The following RET variants were observed in gnomAD, a reference collection of about 807,000 sequenced individuals.
RET encodes proto-oncogene tyrosine-protein kinase receptor Ret.
A neutral mutation model predicts 118.3 loss-of-function variants in RET; 19 were observed. The observed-to-expected ratio is 0.16, with a 90% CI of 0.11 to 0.24. The LOEUF (loss-of-function observed/expected upper bound fraction) is 0.24. Among genes scored for constraint, RET ranks in the 10% least tolerant of loss-of-function variants. The pLI is 1.00. For missense variants in RET, 1,219 were observed against 1,502.1 expected (o/e 0.81, Z 3.12); for synonymous variants, 597 against 644.1 (o/e 0.93, Z 1.11).
rs748852160 is a variant in RET at position 43,112,882 on chromosome 10, C to G, written c.1678C>G (p.Pro560Ala). The part of the protein sequence containing the change: ...GITRNFSTCS[P>A]STKTCPDGHC... ...CACCAGGAACTTCTCCACCTGCTCT[C>G]CCAGCACCAAGACCTGCCCCGACGG... The change falls in exon 9 of 20, where the codon CCC (proline) becomes GCC (alanine). Residue 560 changes from proline (P) to alanine (A), a missense_variant. By Grantham distance (27) the Pro-to-Ala change is conservative (BLOSUM62 -1). Around this residue, in one of 5 missense-constraint regions of RET, gnomAD observed 850 missense variants for 969.6 expected, o/e 0.88. Coordinates refer to ENST00000355710, the MANE Select transcript of RET (RefSeq NM_020975.6). 2 of 1,614,126 alleles carry G rather than the reference C, an allele frequency of 1.2e-6. No homozygotes were observed. The highest frequency in any genetic ancestry group is 1.7e-6 in the Non-Finnish European group (2 of 1,179,996).
At chr10:43,102,258 G>A in intron 2 of RET, 84 bp from the exon 3 acceptor site, 1 of 1,548,610 alleles carries the variant, frequency 6.5e-7, no homozygotes, top group Non-Finnish European at 8.8e-7. Context: ...GTTTACACCA[G>A]CCCTGGAGCT....
At position 43,112,114 on chromosome 10, in the gene RET, C is replaced by T. The variant is rs149238501; in HGVS notation, c.1538C>T (p.Ala513Val). ...CCACCTGCAGATGTGGCCGAGGAGGCGGGCTGCCCCCTGTCCTGTGCAGTC... is the reference window on the plus strand; with the variant it reads ...CCACCTGCAGATGTGGCCGAGGAGGTGGGCTGCCCCCTGTCCTGTGCAGTC... ...TVEGSYVAEEAGCPLSCAVSK... is the reference protein window; with the variant it reads ...TVEGSYVAEEVGCPLSCAVSK... Residue 513 changes from alanine to valine, a missense_variant, in exon 8 of 20, where the codon GCG becomes GTG. Physicochemically the swap from Ala to Val is moderately conservative, Grantham distance 64 (BLOSUM62 0). Coordinates refer to ENST00000355710, the MANE Select transcript of RET (RefSeq NM_020975.6). The T allele has an allele frequency of 1.1e-5, 17 of 1,601,872 alleles. No individual in the cohort carries two copies. Among genetic ancestry groups the T allele is most frequent in the Middle Eastern group, 3.3e-4 (2 of 6,014 alleles).
chr10:43,103,131 G>A (rs1837679332), intron 3 of RET, among the ~76,000 whole-genome samples: 1 of 152,224 alleles, frequency 6.6e-6, no homozygotes, highest in African/African-American at 2.4e-5. Context: ...GGGAAGAGCT[G>A]AGGCTGATGG....
chr10:43,105,268 TCCGTGTAG>T, intron 4 of RET, 75 bp downstream of exon 4: 1 of 1,601,298 alleles, frequency 6.2e-7, no homozygotes, highest in Non-Finnish European at 8.5e-7. Flanking sequence ...CGGTTTAGTG[TCCGTGTAG>T]CCACCCAACC....
intron 1 of RET, among the ~76,000 whole-genome samples, chr10:43,093,212 CAG>C (rs1392653556): frequency 6.6e-6 from 1 of 152,138 alleles, no homozygotes; most frequent in East Asian, 1.9e-4. Flanking sequence ...ACAGTTAACA[CAG>C]GGCTCCACAG....
rs913474424 is a variant in RET at position 43,114,886 on chromosome 10, C to T, written c.2136+150C>T. ...GTGTTCTGCCCCCATTTCCATAGGG[C>T]GCTGTGTGGGGACAGTCTGTGGGGT... On this transcript the variant is annotated intron_variant, in intron 11 of 19. Transcript: ENST00000355710. The surrounding 1 kb of genome is among the most constrained non-coding windows in gnomAD (Gnocchi z 4.6). 16 of 850,226 alleles carry T rather than the reference C, an allele frequency of 1.9e-5. No individual in the cohort carries two copies. The highest frequency in any genetic ancestry group is 1.8e-4 in the South Asian group (10 of 56,528). 52.7% of individuals were successfully genotyped at this position (850,226 alleles called of 1,614,324 possible). A position where few individuals can be genotyped will look rare whatever the true frequency, so the allele number is the denominator to read the frequency against.
rs752830000 is a variant in RET, at chr10:43,116,696, C to G, written c.2249C>G (p.Ala750Gly). The G allele has an allele frequency of 5.0e-6, 8 of 1,614,064 alleles. No individual in the cohort carries two copies. Among genetic ancestry groups the G allele is most frequent in the Middle Eastern group, 1.7e-4 (1 of 6,038 alleles). ...KATAFHLKGRAGYTTVAVKML... is the reference protein window; with the variant it reads ...KATAFHLKGRGGYTTVAVKML... The stretch of plus-strand genomic sequence containing the variant: ...ACGGCCTTCCATCTGAAAGGCAGAG[C>G]AGGGTACACCACGGTGGCCGTGAAG... Residue 750 changes from alanine to glycine, a missense_variant, in exon 12 of 20, where the codon GCA (alanine) becomes GGA (glycine). Physicochemically the swap from Ala to Gly is moderately conservative, Grantham distance 60 (BLOSUM62 0). This residue lies in a region of RET where 850 missense variants were observed against 969.6 expected (regional missense o/e 0.88). Transcript: ENST00000355710.
At chr10:43,094,201 C>G (rs3128726) in intron 1 of RET, among the ~76,000 whole-genome samples, 50,157 of 151,534 alleles carry the variant, frequency 0.33, 8,803 homozygotes, top group South Asian at 0.41. Flanking sequence ...CGGGGACCGC[C>G]TCTTTCCACC....
At chr10:43,110,037 G>A (rs1172645048) in intron 6 of RET, among the ~76,000 whole-genome samples, 1 of 152,210 alleles carries the variant, frequency 6.6e-6, no homozygotes, top group African/African-American at 2.4e-5. Context: ...GCTCCTGGCA[G>A]CCACCCGTGT....
At chr10:43,111,082 G>T in intron 6 of RET, 125 bp from the exon 7 acceptor site, 1 of 1,367,022 alleles carries the variant, frequency 7.3e-7, no homozygotes, top group Non-Finnish European at 1.0e-6. Context: ...GTGCTCGGGG[G>T]GGCTGCTGTC....
chr10:43,127,705 C>T (rs1838366104), intron 19 of RET, among the ~76,000 whole-genome samples: 1 of 151,632 alleles, frequency 6.6e-6, no homozygotes. Flanking sequence ...TCCTCTTCTC[C>T]GTTGTAGGCT....
chr10:43,106,697 C>T lies in RET; in HGVS notation c.1063+126C>T. On this transcript the variant is annotated intron_variant, in intron 5 of 19. Transcript: ENST00000355710. The surrounding 1 kb of genome is among the most constrained non-coding windows in gnomAD (Gnocchi z 5.1). ...GCCCTCTGTGGCCCAAGCCACTTCC[C>T]CTCCACCCTCTGCCCAGCACTTCCT... 1 of 967,322 alleles carries T rather than the reference C, an allele frequency of 1.0e-6. No homozygotes were observed. Among genetic ancestry groups the T allele is most frequent in the East Asian group, 2.6e-5 (1 of 38,152 alleles). The allele number at this position is 967,322 out of a possible 1,614,324, so 59.9% of individuals were successfully genotyped here. A position where few individuals can be genotyped will look rare whatever the true frequency, so the allele number is the denominator to read the frequency against.
intron 1 of RET, among the ~76,000 whole-genome samples, chr10:43,085,567 C>G (rs1386788780): frequency 6.6e-6 from 1 of 152,190 alleles, no homozygotes; most frequent in African/African-American, 2.4e-5. Context: ...TGTGGATACT[C>G]CTGCATAGAC....
At chr10:43,123,336 A>T (rs1838259299) in intron 16 of RET, among the ~76,000 whole-genome samples, 1 of 152,222 alleles carries the variant, frequency 6.6e-6, no homozygotes, top group Admixed American at 6.5e-5. Flanking sequence ...AATTATTAAG[A>T]TTAATTCATG....
At chr10:43,077,815 G>A (rs530558005) in intron 1 of RET, among the ~76,000 whole-genome samples, 1 of 152,358 alleles carries the variant, frequency 6.6e-6, no homozygotes, top group African/African-American at 2.4e-5. Flanking sequence ...CCCCAGCTCT[G>A]CCGTCCTGGC....
rs781236624 is a variant in RET, at chr10:43,124,932, G to C, written c.2989G>C (p.Val997Leu). Reference protein sequence around the residue: ...CWKQEPDKRPVFADISKDLEK... With the variant: ...CWKQEPDKRPLFADISKDLEK... The stretch of plus-strand genomic sequence containing the variant: ...GAAGCAGGAGCCGGACAAAAGGCCG[G>C]TGTTTGCGGACATCAGCAAAGACCT... The change falls in exon 18 of 20, where the codon GTG (valine) becomes CTG (leucine). Residue 997 changes from valine to leucine, a missense_variant. By Grantham distance (32) the Val-to-Leu change is conservative. Coordinates refer to ENST00000355710, the MANE Select transcript of RET (RefSeq NM_020975.6). 1.1e-5 allele frequency: 17 copies of C among 1,614,124 alleles called. No individual in the cohort carries two copies. In the South Asian group the frequency reaches 1.4e-4, roughly 14 times the overall value.
intron 1 of RET, among the ~76,000 whole-genome samples, chr10:43,078,036 G>C (rs116629200): frequency 0.015 from 2,266 of 152,340 alleles, 48 homozygotes; most frequent in African/African-American, 0.049. Flanking sequence ...CCAGGGCTTG[G>C]GGTGGGGCAG....
At position 43,129,577 on chromosome 10, in the gene RET, T is replaced by C. The variant is rs1838404741; in HGVS notation, c.*1308T>C. ...TTTTGGGAAGTCTCAGCAGCTCTTCTGGCTGTGTTGTCAGCACTGTAACTT... is the reference window on the plus strand; with the variant it reads ...TTTTGGGAAGTCTCAGCAGCTCTTCCGGCTGTGTTGTCAGCACTGTAACTT... On this transcript the variant is annotated 3_prime_UTR_variant, in exon 20 of 20. Transcript: ENST00000355710. The C allele has an allele frequency of 4.1e-6, 1 of 241,570 alleles. No homozygotes were observed. The highest frequency in any genetic ancestry group is 8.1e-6 in the Non-Finnish European group (1 of 123,898). 15.0% of individuals were successfully genotyped at this position (241,570 alleles called of 1,614,324 possible). A position where few individuals can be genotyped will look rare whatever the true frequency, so the allele number is the denominator to read the frequency against.
chr10:43,114,344 C>T lies in RET; in HGVS notation c.1880-136C>T, dbSNP rs1481609723. 8 of 1,217,206 alleles carry T rather than the reference C, an allele frequency of 6.6e-6. No individual in the cohort carries two copies. The highest frequency in any genetic ancestry group is 1.3e-5 in the South Asian group (1 of 77,286). 75.4% of individuals were successfully genotyped at this position (1,217,206 alleles called of 1,614,324 possible). A position where few individuals can be genotyped will look rare whatever the true frequency, so the allele number is the denominator to read the frequency against. ...GCTCGATGGGGTGTTCTCAGGCCTT[C>T]CCACACCTCCATGGCCACTTCCCAG... is the stretch of plus-strand genomic sequence containing the variant. On this transcript the variant is annotated intron_variant, in intron 10 of 19. Transcript: ENST00000355710. This position sits in a 1 kb window ranked among gnomAD's most constrained non-coding sequence, Gnocchi z 4.6.
Sources: allele counts gnomAD v4.1 joint callset (sites outside exome capture counted in the v4.1 genomes callset), GRCh38; gene constraint gnomAD v4.1.1; regional missense constraint gnomAD v4.1.1; non-coding constraint Gnocchi (gnomAD v3.1); transcripts MANE v1.5; gene names NCBI Gene and HGNC (gene_info 2026-07-23, HGNC 2026-07-21).